RASSF6: variants seen among roughly 807,000 people sequenced by gnomAD.
RASSF6 encodes Ras association domain family member 6.
In RASSF6, 52 loss-of-function variants were observed where a neutral mutation model predicts 44.0. The ratio of observed to expected loss-of-function variants is 1.18; its 90% CI spans 0.95 to 1.49. The LOEUF is 1.49. Ranked by LOEUF, RASSF6 falls within the 40% of genes most tolerant of loss-of-function variation. RASSF6 has a pLI of 0.00. For missense variants in RASSF6, 464 were observed against 393.3 expected (o/e 1.18, Z -1.52); for synonymous variants, 162 against 124.6 (o/e 1.30, Z -2.00).
chr4:73,620,524 C>A, upstream of RASSF6: 1 of 1,495,148 alleles, frequency 6.7e-7, no homozygotes, highest in Non-Finnish European at 8.9e-7. Context: ...GCTTGCAGTG[C>A]CCCCGACGCG....
chr4:73,596,146 A>T (rs907871202), intron 3 of RASSF6, among the ~76,000 whole-genome samples: 5 of 152,144 alleles, frequency 3.3e-5, no homozygotes, highest in Admixed American at 2.0e-4. Flanking sequence ...ACTCCTAAAA[A>T]TGCTTTTGAA....
chr4:73,572,585 G>A lies in RASSF6; in HGVS notation c.*3650C>T, dbSNP rs550709162. ...GTCACTAAGTCCAGCCCATTTTCAG[G>A]ATGAGGAAGATTAAGCTTCATCTCT... On this transcript the variant is annotated 3_prime_UTR_variant, in exon 11 of 11. Transcript: ENST00000307439. 6.6e-6 allele frequency: 1 copy of A among 152,184 alleles called. No individual in the cohort carries two copies. Among genetic ancestry groups the A allele is most frequent in the South Asian group, 2.1e-4 (1 of 4,808 alleles). The allele number at this position is 152,184 out of a possible 1,614,324, so 9.4% of individuals were successfully genotyped here.
intron 1 of RASSF6, among the ~76,000 whole-genome samples, chr4:73,614,271 C>A (rs376356030): frequency 9.2e-5 from 14 of 152,330 alleles, no homozygotes; most frequent in African/African-American, 3.4e-4. Flanking sequence ...ACTAGAGGGC[C>A]TCCCTCTGTT....
chr4:73,579,393 C>CA (rs549851238), intron 8 of RASSF6, among the ~76,000 whole-genome samples: 131 of 152,232 alleles, frequency 8.6e-4, no homozygotes, highest in African/African-American at 2.9e-3. Context: ...GTCATATTTT[C>CA]ACTAGTGTTG....
At chr4:73,610,571 C>A (rs375975343) in intron 2 of RASSF6, among the ~76,000 whole-genome samples, 1 of 152,216 alleles carries the variant, frequency 6.6e-6, no homozygotes, top group Non-Finnish European at 1.5e-5. Flanking sequence ...CTCCCTGACC[C>A]TTACAAATAT....
rs557587028 is a variant in RASSF6, at chr4:73,596,609, G to T, written c.144+2031C>A. On this transcript the variant is annotated intron_variant, in intron 3 of 10. Transcript: ENST00000307439. ...TAAACTACTGTTGACATTCTTCACA[G>T]AAATAGAAAAAACTATTTTAAAATT... Among the ~76,000 whole-genome samples the T allele has an allele frequency of 5.9e-5, 9 of 152,264 alleles. No homozygotes were observed. The South Asian group carries it at 1.9e-3, about 32-fold the overall frequency.
chr4:73,611,356 G>C (rs1257670217), intron 2 of RASSF6, among the ~76,000 whole-genome samples: 1 of 152,168 alleles, frequency 6.6e-6, no homozygotes, highest in African/African-American at 2.4e-5. Context: ...AAAGTGTCAT[G>C]AGGAGCAAGG....
At chr4:73,617,029 C>T (rs921868506) in intron 1 of RASSF6, among the ~76,000 whole-genome samples, 1 of 152,150 alleles carries the variant, frequency 6.6e-6, no homozygotes, top group Non-Finnish European at 1.5e-5. Context: ...TGGCTCCATA[C>T]TTTTTCTTAA....
chr4:73,588,311 A>T (rs532984069), intron 4 of RASSF6, among the ~76,000 whole-genome samples: 1 of 152,192 alleles, frequency 6.6e-6, no homozygotes, highest in East Asian at 1.9e-4. Context: ...TGTTCTTTAT[A>T]CATTCTGTCA....
At chr4:73,617,148 G>T (rs1365096471) in intron 1 of RASSF6, among the ~76,000 whole-genome samples, 2 of 152,144 alleles carry the variant, frequency 1.3e-5, no homozygotes, top group East Asian at 3.9e-4. Context: ...TTTTGAGATA[G>T]AAATAATGTA....
intron 1 of RASSF6, chr4:73,615,824 T>C: frequency 7.7e-7 from 1 of 1,304,596 alleles, no homozygotes; most frequent in Non-Finnish European, 1.1e-6. Context: ...GTTCCAGCAA[T>C]GCTGGAACGT....
intron 2 of RASSF6, among the ~76,000 whole-genome samples, chr4:73,606,674 AAC>A (rs1342888813): frequency 3.9e-5 from 6 of 151,942 alleles, no homozygotes; most frequent in African/African-American, 1.2e-4. Flanking sequence ...TTGAAAAGTA[AAC>A]ACAGGTGTGC....
At chr4:73,591,737 T>C (rs1236328570) in intron 4 of RASSF6, among the ~76,000 whole-genome samples, 1 of 151,902 alleles carries the variant, frequency 6.6e-6, no homozygotes, top group Non-Finnish European at 1.5e-5. Context: ...ACGAGATAGA[T>C]AGAGGGACTA....
chr4:73,574,111 C>G lies in RASSF6; in HGVS notation c.*2124G>C, dbSNP rs1047641467. ...TATAACCTGGAGCCACAGTGCAAGC[C>G]GGTCCTGAAGCTCCAATTGCTGCTC... On this transcript the variant is annotated 3_prime_UTR_variant, in exon 11 of 11. Transcript: ENST00000307439. The G allele has an allele frequency of 6.6e-6, 1 of 152,504 alleles. No individual in the cohort carries two copies. Among genetic ancestry groups the G allele is most frequent in the Non-Finnish European group, 1.5e-5 (1 of 68,354 alleles). 9.4% of individuals were successfully genotyped at this position (152,504 alleles called of 1,614,324 possible).
chr4:73,595,327 G>A (rs1003651690), intron 3 of RASSF6, among the ~76,000 whole-genome samples: 5 of 152,068 alleles, frequency 3.3e-5, no homozygotes, highest in Admixed American at 3.3e-4. Context: ...CCGAGTAGCT[G>A]GGATAACAGG....
In RASSF6 at chr4:73,582,188, C is replaced by A. The variant is rs1188224429; in HGVS notation, c.669+1G>T. ...TAGCTCAGTTAAGTGATAAAGGTTA[C>A]CTTAAATTTTTGGAGAAGTTGCTTT... is the stretch of plus-strand genomic sequence containing the variant. On this transcript the variant is annotated splice_donor_variant, in intron 7 of 10. Transcript: ENST00000307439. LOFTEE classifies it high-confidence loss of function. 1 of 1,424,656 alleles carries A rather than the reference C, an allele frequency of 7.0e-7. No individual in the cohort carries two copies. The highest frequency in any genetic ancestry group is 9.8e-7 in the Non-Finnish European group (1 of 1,023,026). 88.3% of individuals were successfully genotyped at this position (1,424,656 alleles called of 1,614,324 possible).
At chr4:73,589,159 C>G (rs191393899) in intron 4 of RASSF6, among the ~76,000 whole-genome samples, 1 of 152,172 alleles carries the variant, frequency 6.6e-6, no homozygotes, top group Admixed American at 6.5e-5. Flanking sequence ...AGAAGGTAAT[C>G]CTAATATATT....
In RASSF6 at chr4:73,576,808, T is replaced by TG. The variant is rs1723267311; in HGVS notation, c.722-78_722-77insC. ...AGAAGGAAGATAATTTTCCAATTTA[T>TG]TTTTCGTATTTAACTCACTTTGAAA... On this transcript the variant is annotated intron_variant, in intron 8 of 10. Transcript: ENST00000307439. 3.2e-6 allele frequency: 3 copies of TG among 927,168 alleles called. No individual in the cohort carries two copies. In the South Asian group the frequency reaches 5.5e-5, roughly 17 times the overall value. 57.4% of individuals were successfully genotyped at this position (927,168 alleles called of 1,614,324 possible).
intron 3 of RASSF6, 117 bp from the exon 4 acceptor site, chr4:73,593,710 G>T: frequency 2.1e-6 from 2 of 945,692 alleles, no homozygotes; most frequent in East Asian, 2.5e-5. Context: ...AAAAAGAAAC[G>T]CCAGGGTTGT....
Sources: allele counts gnomAD v4.1 joint callset (sites outside exome capture counted in the v4.1 genomes callset), GRCh38; gene constraint gnomAD v4.1.1; transcripts MANE v1.5; gene names NCBI Gene and HGNC (gene_info 2026-07-23, HGNC 2026-07-21).